ANKRD13B: variants seen among roughly 807,000 people sequenced by gnomAD.
ANKRD13B encodes the protein ankyrin repeat domain-containing protein 13B.
Under a neutral mutation model 74.4 loss-of-function variants are expected in ANKRD13B, and 33 were observed. That is an observed-to-expected ratio of 0.44 (90% CI 0.34 to 0.59). The LOEUF is 0.59. ANKRD13B is among the 20% of genes least tolerant of loss of function. ANKRD13B has a pLI of 0.02. For synonymous variants in ANKRD13B, 341 were observed against 362.9 expected (o/e 0.94, Z 0.68); for missense variants, 676 against 877.9 (o/e 0.77, Z 2.91).
Position 29,613,537 on chromosome 17 carries a change from G to A in ANKRD13B, c.1836G>A (p.Glu612=). ...EERRRRARQE[E]EELERILRLS... The stretch of plus-strand genomic sequence containing the variant: ...GGCGGCGGCGCGCGCGCCAGGAGGA[G>A]GAGGAGCTGGAGCGCATCCTGAGGC... Residue 612 remains glutamate, a synonymous_variant, in exon 15 of 15, where the codon GAG becomes GAA. Transcript: ENST00000394859. 3 of 1,522,742 alleles carry A rather than the reference G, an allele frequency of 2.0e-6. No individual in the cohort carries two copies. The highest frequency in any genetic ancestry group is 2.6e-6 in the Non-Finnish European group (3 of 1,137,486). The allele number at this position is 1,522,742 out of a possible 1,614,324, so 94.3% of individuals were successfully genotyped here.
chr17:29,606,069 C>T (rs1295285467), intron 1 of ANKRD13B, among the ~76,000 whole-genome samples: 3 of 151,904 alleles, frequency 2.0e-5, no homozygotes, highest in South Asian at 2.1e-4. Context: ...TGGGCCACCA[C>T]GCCTGGCTAA....
intron 1 of ANKRD13B, among the ~76,000 whole-genome samples, chr17:29,601,891 G>A (rs939599764): frequency 6.6e-6 from 1 of 152,066 alleles, no homozygotes; most frequent in Non-Finnish European, 1.5e-5. Flanking sequence ...AGTATTTCCT[G>A]TATCTGTTCT....
rs780881722 is a variant in ANKRD13B, at chr17:29,608,177, C to T, written c.376-18C>T. On this transcript the variant is annotated intron_variant, in intron 3 of 14. Transcript: ENST00000394859. The surrounding 1 kb of genome is among the most constrained non-coding windows in gnomAD (Gnocchi z 6.4). The stretch of plus-strand genomic sequence containing the variant: ...CTTCTCCAGTGCAGACTTAGCCTCT[C>T]TCCCCTTCGTCCTCCAGGCCCAGGA... 6.2e-7 allele frequency: 1 copy of T among 1,614,216 alleles called. No homozygotes were observed. The highest frequency in any genetic ancestry group is 8.5e-7 in the Non-Finnish European group (1 of 1,180,026).
chr17:29,613,099 C>T, intron 14 of ANKRD13B, 136 bp downstream of exon 14: 2 of 1,282,130 alleles, frequency 1.6e-6, no homozygotes, highest in Non-Finnish European at 2.2e-6. Flanking sequence ...ACCACTCCTG[C>T]CTCCGAGGCG....
chr17:29,599,865 GTTTTTTTTTT>G (rs35600194), intron 1 of ANKRD13B, among the ~76,000 whole-genome samples: 814 of 50,746 alleles, frequency 0.016, 7 homozygotes, highest in African/African-American at 0.057. Context: ...CATCTAATTT[GTTTTTTTTTT>G]TTTTTTTTTT....
At chr17:29,610,656 T>G (rs111684891) in intron 7 of ANKRD13B, 29 bp from the exon 8 acceptor site, 2 of 1,610,702 alleles carry the variant, frequency 1.2e-6, no homozygotes, top group Non-Finnish European at 1.7e-6. Context: ...CCAGAACTGC[T>G]TATGAGCCCT....
Position 29,593,283 on chromosome 17 carries a change from T to G in ANKRD13B, c.-339T>G, listed in dbSNP as rs1199951070. ...GCGTCCCGTGCGCCCCCGCGCCCGC[T>G]GCGGGCGCCTGCTCCCTCCGCCGAG... On this transcript the variant is annotated 5_prime_UTR_variant, in exon 1 of 15. Transcript: ENST00000394859. 6.8e-6 allele frequency among the ~76,000 whole-genome samples: 1 copy of G among 147,998 alleles called. No individual in the cohort carries two copies. The highest frequency in any genetic ancestry group is 2.5e-5 in the African/African-American group (1 of 40,766).
In ANKRD13B at chr17:29,611,944, C is replaced by T. The variant is rs1422849263; in HGVS notation, c.1038C>T (p.Pro346=). ...TAITAEEYFN[P]NFELGNRDMG... Reference sequence around the variant, plus strand: ...TCACTGCAGAAGAATACTTCAACCCCAACTTTGAGCTGGGCAACCGTGATA... The same window carrying T: ...TCACTGCAGAAGAATACTTCAACCCTAACTTTGAGCTGGGCAACCGTGATA... Residue 346 remains proline, a synonymous_variant, in exon 10 of 15, where the codon CCC becomes CCT. Transcript: ENST00000394859. This position sits in a 1 kb window ranked among gnomAD's most constrained non-coding sequence, Gnocchi z 4.3. The T allele has an allele frequency of 1.2e-6, 2 of 1,614,052 alleles. No homozygotes were observed. The highest frequency in any genetic ancestry group is 1.7e-5 in the Admixed American group (1 of 59,998).
chr17:29,594,556 T>C (rs1225763358), intron 1 of ANKRD13B, among the ~76,000 whole-genome samples: 1 of 152,186 alleles, frequency 6.6e-6, no homozygotes, highest in Non-Finnish European at 1.5e-5. Context: ...CTGGCCATGC[T>C]TCAGAACAAA....
rs184680227 is a variant in ANKRD13B at position 29,604,676 on chromosome 17, G to T, written c.115-3066G>T. Among the ~76,000 whole-genome samples, 553 of 151,624 alleles carry T rather than the reference G, an allele frequency of 3.6e-3. 9 individuals carry two copies. The highest frequency in any genetic ancestry group is 1.1e-3 in the Non-Finnish European group (77 of 67,922). ...TGTGCCTCAGCCTCCTGAGTAGCTG[G>T]GATTACAGGCACCCATCACCAAGCC... is the stretch of plus-strand genomic sequence containing the variant. On this transcript the variant is annotated intron_variant, in intron 1 of 14. Transcript: ENST00000394859.
intron 1 of ANKRD13B, 172 bp downstream of exon 1, chr17:29,593,907 C>G (rs918381930): frequency 1.1e-5 from 4 of 351,240 alleles, no homozygotes; most frequent in Admixed American, 4.9e-5. Flanking sequence ...CCCCTCCGGC[C>G]GGGACGGGCG....
rs1354696553 is a variant in ANKRD13B, at chr17:29,601,013, C to A, written c.115-6729C>A. On this transcript the variant is annotated intron_variant, in intron 1 of 14. Transcript: ENST00000394859. ...GATCTCTGCTCACTGCAACCTCTGG[C>A]TCCCTGGCTCAAGGGATCCTCCCAC... 8.7e-5 allele frequency among the ~76,000 whole-genome samples: 13 copies of A among 150,134 alleles called. No homozygotes were observed. The South Asian group carries it at 2.7e-3, about 32-fold the overall frequency.
chr17:29,610,102 G>T (rs2034529311), intron 7 of ANKRD13B, among the ~76,000 whole-genome samples: 1 of 150,672 alleles, frequency 6.6e-6, no homozygotes, highest in Admixed American at 6.6e-5. Context: ...TGAGGCAGGA[G>T]AATTGCTTGA....
chr17:29,597,541 A>G (rs2033996754), intron 1 of ANKRD13B, among the ~76,000 whole-genome samples: 1 of 152,084 alleles, frequency 6.6e-6, no homozygotes, highest in Admixed American at 6.5e-5. Context: ...TGCTGGGATA[A>G]GGAATCTCCG....
chr17:29,609,351 C>G lies in ANKRD13B; in HGVS notation c.756-4C>G, dbSNP rs1278483677. 3.1e-6 allele frequency: 5 copies of G among 1,613,442 alleles called. No homozygotes were observed. In the African/African-American group the frequency reaches 4.0e-5, roughly 13 times the overall value. On this transcript the variant is annotated splice_region_variant and splice_polypyrimidine_tract_variant and intron_variant, in intron 6 of 14. Transcript: ENST00000394859. The surrounding 1 kb of genome is among the most constrained non-coding windows in gnomAD (Gnocchi z 4.0). ...GCCTCACCTGGACCACTCTGCTTCC[C>G]CAGGAACAAGACTGGCATCCTGGGC...
intron 1 of ANKRD13B, among the ~76,000 whole-genome samples, chr17:29,600,403 GGGT>G (rs992306628): frequency 5.3e-5 from 8 of 152,130 alleles, no homozygotes; most frequent in African/African-American, 1.7e-4. Flanking sequence ...CGGGTAGATA[GGGT>G]GGTGGTGGTG....
At position 29,611,165 on chromosome 17, in the gene ANKRD13B, C is replaced by A. The variant is rs2034566621; in HGVS notation, c.904+399C>A. Among the ~76,000 whole-genome samples, 1 of 152,128 alleles carries A rather than the reference C, an allele frequency of 6.6e-6. No homozygotes were observed. Among genetic ancestry groups the A allele is most frequent in the Non-Finnish European group, 1.5e-5 (1 of 68,032 alleles). On this transcript the variant is annotated intron_variant, in intron 8 of 14. Transcript: ENST00000394859. This position sits in a 1 kb window ranked among gnomAD's most constrained non-coding sequence, Gnocchi z 4.3. Reference sequence around the variant, plus strand: ...CACCTGATTCTCTGGGTACCAGATACCGTGTCCGAGGTGAAAAAGCATAAT... The same window carrying A: ...CACCTGATTCTCTGGGTACCAGATAACGTGTCCGAGGTGAAAAAGCATAAT...
At position 29,613,859 on chromosome 17, in the gene ANKRD13B, T is replaced by A; in HGVS notation, c.*277T>A. The stretch of plus-strand genomic sequence containing the variant: ...CGCTCCCCTGGGCTCAGATCTGTCC[T>A]GTCCTAGGGCGGAGCCAGGCGGTCC... On this transcript the variant is annotated 3_prime_UTR_variant, in exon 15 of 15. Coordinates refer to ENST00000394859, the MANE Select transcript of ANKRD13B (RefSeq NM_152345.5). 2.2e-6 allele frequency: 1 copy of A among 457,698 alleles called. No individual in the cohort carries two copies. The highest frequency in any genetic ancestry group is 3.9e-5 in the East Asian group (1 of 25,796). The allele number at this position is 457,698 out of a possible 1,614,324, so 28.4% of individuals were successfully genotyped here.
chr17:29,593,895 A>ATGGGAGCGGGCCCCGCCCGC, intron 1 of ANKRD13B, 160 bp downstream of exon 1: 1 of 315,506 alleles, frequency 3.2e-6, no homozygotes, highest in Non-Finnish European at 5.6e-6. Context: ...GGAAAGGGTG[A>ATGGGAGCGGGCCCCGCCCGC]TCCCCTCCGG....
Sources: allele counts gnomAD v4.1 joint callset (sites outside exome capture counted in the v4.1 genomes callset), GRCh38; gene constraint gnomAD v4.1.1; non-coding constraint Gnocchi (gnomAD v3.1); transcripts MANE v1.5; gene names NCBI Gene and HGNC (gene_info 2026-07-23, HGNC 2026-07-21).